The following TM9SF3 variants were observed in gnomAD, a reference collection of about 807,000 sequenced individuals.
The protein encoded by TM9SF3 is transmembrane 9 superfamily member 3.
Under a neutral mutation model 78.6 loss-of-function variants are expected in TM9SF3, and 14 were observed. The ratio of observed to expected loss-of-function variants is 0.18; its 90% CI spans 0.12 to 0.28. The LOEUF (loss-of-function observed/expected upper bound fraction) is 0.28. Among genes scored for constraint, TM9SF3 ranks in the 10% least tolerant of loss-of-function variants. The pLI is 1.00. For missense variants in TM9SF3, 496 were observed against 721.9 expected, an observed-to-expected ratio of 0.69 and a Z score of 3.59; for synonymous variants, 231 against 241.7, an observed-to-expected ratio of 0.96 and a Z score of 0.41.
chr10:96,542,892 G>T (rs1325562741), intron 9 of TM9SF3, among the ~76,000 whole-genome samples: 2 of 151,922 alleles, frequency 1.3e-5, no homozygotes, highest in South Asian at 2.1e-4. Flanking sequence ...GAAAAAAATT[G>T]GACTATAAAA....
intron 5 of TM9SF3, among the ~76,000 whole-genome samples, chr10:96,555,739 T>G (rs1848227423): frequency 6.6e-6 from 1 of 152,154 alleles, no homozygotes. Context: ...TTTTGAAATG[T>G]TTGCTCAAAA....
intron 2 of TM9SF3, among the ~76,000 whole-genome samples, chr10:96,574,127 T>C (rs1229916578): frequency 6.6e-6 from 1 of 152,154 alleles, no homozygotes; most frequent in Admixed American, 6.5e-5. Context: ...ACCATCAAAG[T>C]GAACAGGCAA....
chr10:96,538,946 A>G (rs1240898577), intron 9 of TM9SF3, among the ~76,000 whole-genome samples: 1 of 152,250 alleles, frequency 6.6e-6, no homozygotes, highest in Non-Finnish European at 1.5e-5. Flanking sequence ...CTATTTTGGA[A>G]AAGTTTAGCA....
Position 96,559,721 on chromosome 10 carries a change from A to T in TM9SF3, c.598T>A (p.Ser200Thr), listed in dbSNP as rs779871451. ...AATCGATCTTCAAATTTCACATCTG[A>T]CTTTTTCCATTTTACCTAAAAAAAA... ...QMSYSVKWKKSDVKFEDRFDK... is the reference protein window; with the variant it reads ...QMSYSVKWKKTDVKFEDRFDK... Residue 200 changes from serine to threonine, a missense_variant, in exon 5 of 15, where the codon TCA becomes ACA. Ser to Thr is a moderately conservative substitution (Grantham distance 58). Transcript: ENST00000371142. 3 of 1,581,360 alleles carry T rather than the reference A, an allele frequency of 1.9e-6. No homozygotes were observed. In the Admixed American group the frequency reaches 5.2e-5, roughly 28 times the overall value.
chr10:96,541,706 A>T (rs1334608167), intron 9 of TM9SF3, among the ~76,000 whole-genome samples: 1 of 152,232 alleles, frequency 6.6e-6, no homozygotes, highest in African/African-American at 2.4e-5. Flanking sequence ...CATAGAACAG[A>T]GAACTAGAGT....
chr10:96,556,166 G>C (rs11598142), intron 5 of TM9SF3, among the ~76,000 whole-genome samples: 16,544 of 152,152 alleles, frequency 0.11, 1,038 homozygotes, highest in Non-Finnish European at 0.15. Context: ...TCACAAAGGG[G>C]TTTACTAACC....
chr10:96,532,152 G>A (rs765318756), intron 10 of TM9SF3, among the ~76,000 whole-genome samples: 4 of 151,876 alleles, frequency 2.6e-5, no homozygotes, highest in African/African-American at 4.8e-5. Context: ...GGAGCTTGCA[G>A]TGAGCCGAGA....
rs1222712085 is a variant in TM9SF3 at position 96,520,229 on chromosome 10, A to G, written c.*2034T>C. On this transcript the variant is annotated 3_prime_UTR_variant, in exon 15 of 15. Coordinates refer to ENST00000371142, the MANE Select transcript of TM9SF3 (RefSeq NM_020123.4). ...TATAGGCAACTAAATATTAACTTTT[A>G]GTTTCTTTTTTATAAGATCTTAAAG... 1 of 151,918 alleles carries G rather than the reference A, an allele frequency of 6.6e-6. No individual in the cohort carries two copies. Among genetic ancestry groups the G allele is most frequent in the Non-Finnish European group, 1.5e-5 (1 of 67,808 alleles). The allele number at this position is 151,918 out of a possible 1,614,324, so 9.4% of individuals were successfully genotyped here. A position where few individuals can be genotyped will look rare whatever the true frequency, so the allele number is the denominator to read the frequency against.
chr10:96,522,288 AT>A lies in TM9SF3; in HGVS notation c.1744del (p.Ile582SerfsTer5). 1 of 1,586,560 alleles carries A rather than the reference AT, an allele frequency of 6.3e-7. No homozygotes were observed. The highest frequency in any genetic ancestry group is 1.2e-5 in the South Asian group (1 of 84,958). On this transcript the variant is annotated frameshift_variant, in exon 15 of 15. Coordinates refer to ENST00000371142, the MANE Select transcript of TM9SF3 (RefSeq NM_020123.4). LOFTEE classifies it high-confidence loss of function. ...CTAGTCAATTTTCACATTAGTATAG[AT>A]TTTTCGGACAAAGGCACTTGTTCCC... ...YMGTSAFVRK[I>X]YTNVKID
At chr10:96,560,946 TA>T in intron 4 of TM9SF3, 1 of 474,646 alleles carries the variant, frequency 2.1e-6, no homozygotes, top group Non-Finnish European at 3.9e-6. Flanking sequence ...GCACTACTGG[TA>T]AATTAAGCCC....
At chr10:96,537,819 G>A (rs1444550482) in intron 9 of TM9SF3, among the ~76,000 whole-genome samples, 1 of 152,144 alleles carries the variant, frequency 6.6e-6, no homozygotes, top group Non-Finnish European at 1.5e-5. Context: ...TGAAATACTG[G>A]AGAATAAATT....
chr10:96,529,818 T>A (rs565504412), intron 11 of TM9SF3, among the ~76,000 whole-genome samples: 27 of 152,252 alleles, frequency 1.8e-4, no homozygotes, highest in African/African-American at 6.5e-4. Flanking sequence ...CAGTGGGGCA[T>A]CTGGAAACAT....
chr10:96,562,079 G>A lies in TM9SF3; in HGVS notation c.481C>T (p.Leu161Phe). 1 of 1,613,208 alleles carries A rather than the reference G, an allele frequency of 6.2e-7. No homozygotes were observed. Among genetic ancestry groups the A allele is most frequent in the African/African-American group, 1.3e-5 (1 of 74,968 alleles). Reference protein sequence around the residue: ...EDYYLWTYKKLEIGFNGNRIV... With the variant: ...EDYYLWTYKKFEIGFNGNRIV... ...CGATTTCCATTAAAACCTATTTCAA[G>A]TTTTTTATAGGTCCAAAGATAGTAA... is the stretch of plus-strand genomic sequence containing the variant. The change falls in exon 4 of 15, where the codon CTT becomes TTT. Residue 161 changes from leucine (L) to phenylalanine (F), a missense_variant. Coordinates refer to ENST00000371142, the MANE Select transcript of TM9SF3 (RefSeq NM_020123.4).
At position 96,519,521 on chromosome 10, in the gene TM9SF3, T is replaced by C. The variant is rs140475589; in HGVS notation, c.*2742A>G. 2 of 152,110 alleles carry C rather than the reference T, an allele frequency of 1.3e-5. No homozygotes were observed. The highest frequency in any genetic ancestry group is 3.9e-4 in the East Asian group (2 of 5,186). 9.4% of individuals were successfully genotyped at this position (152,110 alleles called of 1,614,324 possible). ...ATATATGTATACAAATGTCAACTAC[T>C]AATGTAGTTAAATTTCAGGAGAAGC... is the stretch of plus-strand genomic sequence containing the variant. On this transcript the variant is annotated 3_prime_UTR_variant, in exon 15 of 15. Coordinates refer to ENST00000371142, the MANE Select transcript of TM9SF3 (RefSeq NM_020123.4).
At chr10:96,534,047 AAGTG>A (rs1238089312) in intron 9 of TM9SF3, among the ~76,000 whole-genome samples, 2 of 151,940 alleles carry the variant, frequency 1.3e-5, no homozygotes, top group Non-Finnish European at 2.9e-5. Flanking sequence ...TAGAAAGTAA[AAGTG>A]AGAGAAAAAC....
chr10:96,552,092 C>G (rs1442966067), intron 6 of TM9SF3, among the ~76,000 whole-genome samples: 1 of 152,068 alleles, frequency 6.6e-6, no homozygotes, highest in African/African-American at 2.4e-5. Flanking sequence ...TTAAGAGGTA[C>G]CAAATGCTTT....
intron 6 of TM9SF3, 72 bp from the exon 7 acceptor site, chr10:96,551,483 A>G: frequency 8.5e-7 from 1 of 1,182,602 alleles, no homozygotes; most frequent in Admixed American, 2.9e-5. Context: ...AGTATGTAAA[A>G]ATTACAGTTG....
chr10:96,533,612 T>C (rs1847921631), intron 9 of TM9SF3, among the ~76,000 whole-genome samples: 1 of 152,150 alleles, frequency 6.6e-6, no homozygotes. Context: ...ATTTTGCAAA[T>C]GAAGGAAAGG....
intron 1 of TM9SF3, among the ~76,000 whole-genome samples, chr10:96,577,252 A>AG (rs1004739655): frequency 2.6e-5 from 4 of 151,522 alleles, no homozygotes; most frequent in Non-Finnish European, 4.4e-5. Flanking sequence ...AAAAAAAAAA[A>AG]AAACCTAATG....
Sources: allele counts gnomAD v4.1 joint callset (sites outside exome capture counted in the v4.1 genomes callset), GRCh38; gene constraint gnomAD v4.1.1; transcripts MANE v1.5; gene names NCBI Gene and HGNC (gene_info 2026-07-23, HGNC 2026-07-21).